Variants in SPC25 observed in about 807,000 individuals in gnomAD.
SPC25 encodes kinetochore protein Spc25.
Under a neutral mutation model 29.6 loss-of-function variants are expected in SPC25, and 22 were observed. The ratio of observed to expected loss-of-function variants is 0.74; its 90% CI spans 0.53 to 1.06. SPC25 has a LOEUF of 1.06. Ranked by LOEUF, SPC25 falls within the 50% of genes least tolerant of loss-of-function variation. SPC25 has a pLI of 0.00. For synonymous variants in SPC25, 91 were observed against 90.4 expected (o/e 1.01, Z -0.04); for missense variants, 230 against 255.8 (o/e 0.90, Z 0.69).
At chr2:168,886,600 A>G (rs1431011998) in intron 3 of SPC25, among the ~76,000 whole-genome samples, 1 of 151,602 alleles carries the variant, frequency 6.6e-6, no homozygotes, top group Admixed American at 6.6e-5. Context: ...GCTCACTGCA[A>G]GCTCCGCCTC....
downstream of SPC25, among the ~76,000 whole-genome samples, chr2:168,869,786 G>A (rs1043671977): frequency 6.6e-6 from 1 of 152,116 alleles, no homozygotes; most frequent in African/African-American, 2.4e-5. Context: ...GTTGCCCAAG[G>A]TAATTTATAG....
chr2:168,869,154 C>T (rs1237537766), downstream of SPC25, among the ~76,000 whole-genome samples: 1 of 152,168 alleles, frequency 6.6e-6, no homozygotes, highest in African/African-American at 2.4e-5. Flanking sequence ...CAAAATTCAA[C>T]AACCCTTCAT....
chr2:168,880,721 C>A (rs1453365471), intron 3 of SPC25, among the ~76,000 whole-genome samples: 1 of 152,130 alleles, frequency 6.6e-6, no homozygotes, highest in Non-Finnish European at 1.5e-5. Flanking sequence ...TTCAGTTGAA[C>A]AATTAGAGGT....
chr2:168,876,955 T>C (rs925037103), intron 4 of SPC25, among the ~76,000 whole-genome samples: 9 of 152,208 alleles, frequency 5.9e-5, no homozygotes, highest in African/African-American at 2.2e-4. Flanking sequence ...AAATTTTATT[T>C]AGGGACACCA....
intron 3 of SPC25, among the ~76,000 whole-genome samples, chr2:168,885,331 C>G (rs187830634): frequency 6.6e-6 from 1 of 152,300 alleles, no homozygotes; most frequent in Admixed American, 6.5e-5. Flanking sequence ...TGTCACTGGT[C>G]CAAGCCATAC....
chr2:168,876,572 G>A (rs1690090204), intron 4 of SPC25, among the ~76,000 whole-genome samples: 1 of 148,728 alleles, frequency 6.7e-6, no homozygotes, highest in Non-Finnish European at 1.5e-5. Context: ...TGAGAGGTCA[G>A]CCTTATTTCA....
intron 3 of SPC25, among the ~76,000 whole-genome samples, chr2:168,888,743 GTGTA>G (rs1000132080): frequency 2.0e-5 from 3 of 150,160 alleles, no homozygotes; most frequent in South Asian, 2.1e-4. Flanking sequence ...GTATTTGTGT[GTGTA>G]TGTGTCTATA....
At chr2:168,870,556 C>G (rs1462540603), downstream of SPC25, among the ~76,000 whole-genome samples, 1 of 151,896 alleles carries the variant, frequency 6.6e-6, no homozygotes, top group Non-Finnish European at 1.5e-5. Context: ...AGGATATGAA[C>G]AGACACTTGT....
intron 5 of SPC25, among the ~76,000 whole-genome samples, chr2:168,873,967 T>A (rs1690042104): frequency 6.6e-6 from 1 of 152,134 alleles, no homozygotes; most frequent in African/African-American, 2.4e-5. Flanking sequence ...ACCTAAAGAA[T>A]GGGAGAAAAT....
intron 4 of SPC25, chr2:168,863,611 CTAAGTTGTT>C: frequency 5.1e-6 from 5 of 985,170 alleles, no homozygotes; most frequent in Non-Finnish European, 6.0e-6. Context: ...TTAAAGTTGT[CTAAGTTGTT>C]GAATGGGGAG....
chr2:168,889,149 TCTTA>T (rs1690346786), intron 3 of SPC25, 73 bp downstream of exon 3: 2 of 1,278,952 alleles, frequency 1.6e-6, no homozygotes, highest in Non-Finnish European at 2.2e-6. Flanking sequence ...AAATACATTG[TCTTA>T]CTTGTATGAG....
intron 4 of SPC25, chr2:168,863,634 C>T (rs1206266192): frequency 2.0e-6 from 2 of 981,898 alleles, no homozygotes; most frequent in Admixed American, 6.3e-5. Context: ...TGGGGAGTTA[C>T]ATTTTGAATG....
At chr2:168,873,262 TAAAGCTTCACCTTTTAAA>T (rs1161384431) in intron 6 of SPC25, among the ~76,000 whole-genome samples, 1 of 152,228 alleles carries the variant, frequency 6.6e-6, no homozygotes, top group African/African-American at 2.4e-5. Context: ...CCATTTTCTT[TAAAGCTTCACCTTTTAAA>T]AAAGTTATCT....
chr2:168,876,587 A>T (rs1690090329), intron 4 of SPC25, among the ~76,000 whole-genome samples: 1 of 124,880 alleles, frequency 8.0e-6, no homozygotes, highest in African/African-American at 3.0e-5. Context: ...ATTTCATGCT[A>T]GTTTAGTTTT....
At chr2:168,881,174 T>C (rs1287626786) in intron 3 of SPC25, among the ~76,000 whole-genome samples, 1 of 152,212 alleles carries the variant, frequency 6.6e-6, no homozygotes, top group African/African-American at 2.4e-5. Context: ...GTCTCACATA[T>C]TGGCCAGCAC....
At chr2:168,877,408 C>A in intron 3 of SPC25, 24 bp from the exon 4 acceptor site, 9 of 1,612,592 alleles carry the variant, frequency 5.6e-6, no homozygotes, top group Non-Finnish European at 7.6e-6. Context: ...AAGGTATTAG[C>A]TAGAATATGC....
chr2:168,869,021 T>C (rs143854085), downstream of SPC25, among the ~76,000 whole-genome samples: 4,641 of 152,150 alleles, frequency 0.031, 153 homozygotes, highest in African/African-American at 0.087. Flanking sequence ...ATCAAGTGGG[T>C]TTCATCCCTG....
downstream of SPC25, among the ~76,000 whole-genome samples, chr2:168,870,528 C>G (rs531669547): frequency 6.6e-6 from 1 of 151,754 alleles, no homozygotes; most frequent in Non-Finnish European, 1.5e-5. Flanking sequence ...ACAAACAACC[C>G]CATCAAAAAG....
chr2:168,863,856 C>CATAGAA (rs1277931416), intron 4 of SPC25, among the ~76,000 whole-genome samples: 1 of 152,068 alleles, frequency 6.6e-6, no homozygotes, highest in African/African-American at 2.4e-5. Context: ...CCATCAGCTA[C>CATAGAA]ATAGAAATAG....
Sources: allele counts gnomAD v4.1 joint callset (sites outside exome capture counted in the v4.1 genomes callset), GRCh38; gene constraint gnomAD v4.1.1; transcripts MANE v1.5; gene names NCBI Gene and HGNC (gene_info 2026-07-23, HGNC 2026-07-21).